Variants in ATP8A2 observed in about 807,000 individuals in gnomAD.
ATP8A2 encodes ATPase phospholipid transporting 8A2.
In ATP8A2, 100 loss-of-function variants were observed where a neutral mutation model predicts 165.6. The ratio of observed to expected loss-of-function variants is 0.60; its 90% CI spans 0.51 to 0.71. The LOEUF (loss-of-function observed/expected upper bound fraction) is 0.71. ATP8A2 is among the 30% of genes least tolerant of loss of function. The pLI is 0.00. For synonymous variants in ATP8A2, 543 were observed against 548.8 expected (o/e 0.99, Z 0.15); for missense variants, 1,227 against 1,479.5 (o/e 0.83, Z 2.80).
At chr13:25,872,446 T>C (rs1952704448) in intron 33 of ATP8A2, among the ~76,000 whole-genome samples, 1 of 152,174 alleles carries the variant, frequency 6.6e-6, no homozygotes, top group African/African-American at 2.4e-5. Context: ...TCTGACCTGT[T>C]AGATATTGTC....
chr13:25,517,593 G>C (rs1041424461), intron 2 of ATP8A2, among the ~76,000 whole-genome samples: 1 of 152,192 alleles, frequency 6.6e-6, no homozygotes, highest in African/African-American at 2.4e-5. Flanking sequence ...ATTGTAAATT[G>C]ATTGGTCAGC....
In ATP8A2 at chr13:25,427,869, G is replaced by C. The variant is rs112667548; in HGVS notation, c.77-41108G>C. On this transcript the variant is annotated intron_variant, in intron 1 of 36. Coordinates refer to ENST00000381655, the MANE Select transcript of ATP8A2 (RefSeq NM_016529.6). Reference sequence around the variant, plus strand: ...AGATCGAGCCACTGCACTCCAGCCTGGTGACAGAGTGAGTCTCTGTCTCAG... The same window carrying C: ...AGATCGAGCCACTGCACTCCAGCCTCGTGACAGAGTGAGTCTCTGTCTCAG... Among the ~76,000 whole-genome samples the C allele has an allele frequency of 3.2e-3, 490 of 151,804 alleles. 4 individuals are homozygous for C. Among genetic ancestry groups the C allele is most frequent in the African/African-American group, 0.011 (472 of 41,380 alleles).
At position 25,372,331 on chromosome 13, in the gene ATP8A2, G is replaced by A; in HGVS notation, c.76+43G>A. The A allele has an allele frequency of 2.2e-6, 3 of 1,363,742 alleles. No homozygotes were observed. Among genetic ancestry groups the A allele is most frequent in the South Asian group, 1.4e-5 (1 of 69,806 alleles). The allele number at this position is 1,363,742 out of a possible 1,614,324, so 84.5% of individuals were successfully genotyped here. The stretch of plus-strand genomic sequence containing the variant: ...CGGCGAGGGAGGGTGGGCCCGGGGC[G>A]GGGGCGGCGCGGGGCGCGCCTGCGG... On this transcript the variant is annotated intron_variant, in intron 1 of 36. Transcript: ENST00000381655. The surrounding 1 kb of genome is among the most constrained non-coding windows in gnomAD (Gnocchi z 4.8).
chr13:25,741,515 G>A (rs1263636624), intron 25 of ATP8A2, among the ~76,000 whole-genome samples: 2 of 151,962 alleles, frequency 1.3e-5, no homozygotes, highest in Non-Finnish European at 2.9e-5. Flanking sequence ...CTGAATAGCT[G>A]GGTATATAGG....
At chr13:25,416,146 A>G (rs572296914) in intron 1 of ATP8A2, among the ~76,000 whole-genome samples, 48 of 152,298 alleles carry the variant, frequency 3.2e-4, no homozygotes, top group African/African-American at 1.2e-3. Context: ...TTTGTTGAAT[A>G]CGTTATACAT....
intron 30 of ATP8A2, among the ~76,000 whole-genome samples, chr13:25,856,556 A>G (rs1443173838): frequency 2.6e-5 from 4 of 152,254 alleles, no homozygotes; most frequent in African/African-American, 9.6e-5. Flanking sequence ...ATGATTTTAT[A>G]GCTTTGTTTC....
rs200366921 is a variant in ATP8A2, at chr13:25,826,241, TAAA to T, written c.2680-1874_2680-1872del. ...TATAAAGGGTCAATTTACAATAAAA[TAAA>T]AAGTTTTAAAGGAAAAAGAAATTAA... is the stretch of plus-strand genomic sequence containing the variant. On this transcript the variant is annotated intron_variant, in intron 27 of 36. Transcript: ENST00000381655. 3.6e-3 allele frequency among the ~76,000 whole-genome samples: 544 copies of T among 152,236 alleles called. 3 individuals carry two copies. The highest frequency in any genetic ancestry group is 0.012 in the African/African-American group (505 of 41,556).
intron 25 of ATP8A2, among the ~76,000 whole-genome samples, chr13:25,717,090 T>G (rs2043270757): frequency 6.6e-6 from 1 of 152,218 alleles, no homozygotes; most frequent in African/African-American, 2.4e-5. Context: ...GAGTCTTCAC[T>G]TAATGTGCAT....
chr13:25,511,780 G>T (rs866037935), intron 2 of ATP8A2, among the ~76,000 whole-genome samples: 3 of 151,848 alleles, frequency 2.0e-5, no homozygotes, highest in Admixed American at 6.6e-5. Context: ...GTGTCTCATT[G>T]TTGTGGGTAC....
At chr13:25,851,130 A>G (rs9511946) in intron 30 of ATP8A2, among the ~76,000 whole-genome samples, 20,251 of 152,226 alleles carry the variant, frequency 0.13, 1,600 homozygotes, top group Non-Finnish European at 0.18. Context: ...TCTTTCCTAG[A>G]CTGAAAACTA....
At chr13:25,820,781 A>T (rs530232980) in intron 27 of ATP8A2, among the ~76,000 whole-genome samples, 1 of 152,232 alleles carries the variant, frequency 6.6e-6, no homozygotes, top group South Asian at 2.1e-4. Context: ...GTTTGTATAA[A>T]TATTTAAAAA....
At chr13:25,821,783 G>A (rs1248034162) in intron 27 of ATP8A2, among the ~76,000 whole-genome samples, 1 of 152,060 alleles carries the variant, frequency 6.6e-6, no homozygotes, top group Non-Finnish European at 1.5e-5. Flanking sequence ...AGCATCTTTG[G>A]CCCACTCAAT....
intron 1 of ATP8A2, among the ~76,000 whole-genome samples, chr13:25,396,258 G>A (rs1217152019): frequency 6.6e-6 from 1 of 152,158 alleles, no homozygotes; most frequent in Non-Finnish European, 1.5e-5. Flanking sequence ...GATCCTCTCT[G>A]CAATGAGGAA....
At chr13:25,544,992 A>T (rs1206991165) in intron 10 of ATP8A2, among the ~76,000 whole-genome samples, 1 of 151,558 alleles carries the variant, frequency 6.6e-6, no homozygotes, top group Non-Finnish European at 1.5e-5. Flanking sequence ...ACATCCAGTA[A>T]TGCTACCTTC....
intron 24 of ATP8A2, among the ~76,000 whole-genome samples, chr13:25,668,466 T>G (rs1351778697): frequency 6.6e-6 from 1 of 152,196 alleles, no homozygotes; most frequent in African/African-American, 2.4e-5. Context: ...TCTTTTGTTA[T>G]TGGCTTTTGA....
At chr13:25,571,781 C>G in intron 18 of ATP8A2, 89 bp downstream of exon 18, 1 of 1,119,744 alleles carries the variant, frequency 8.9e-7, no homozygotes. Flanking sequence ...AATATGATAG[C>G]TAAATTTCTC....
At chr13:25,665,016 C>A (rs917545883) in intron 24 of ATP8A2, among the ~76,000 whole-genome samples, 1 of 150,988 alleles carries the variant, frequency 6.6e-6, no homozygotes, top group Non-Finnish European at 1.5e-5. Flanking sequence ...AAAAAGCCGT[C>A]GAGACCAGGA....
At chr13:25,392,912 C>CAAA (rs5802332) in intron 1 of ATP8A2, among the ~76,000 whole-genome samples, 1 of 147,692 alleles carries the variant, frequency 6.8e-6, no homozygotes, top group Non-Finnish European at 1.5e-5. Context: ...CTCATCTCTA[C>CAAA]AAAAAAAAAA....
intron 24 of ATP8A2, among the ~76,000 whole-genome samples, chr13:25,621,181 T>C (rs902821111): frequency 1.3e-5 from 2 of 152,174 alleles, no homozygotes; most frequent in African/African-American, 4.8e-5. Flanking sequence ...CAGAAGAAGG[T>C]ACCTTGAAAT....
Sources: allele counts gnomAD v4.1 joint callset (sites outside exome capture counted in the v4.1 genomes callset), GRCh38; gene constraint gnomAD v4.1.1; non-coding constraint Gnocchi (gnomAD v3.1); transcripts MANE v1.5; gene names NCBI Gene and HGNC (gene_info 2026-07-23, HGNC 2026-07-21).